MICAL2: variants seen among roughly 807,000 people sequenced by gnomAD.
MICAL2 encodes [F-actin]-monooxygenase MICAL2.
In MICAL2, 77 loss-of-function variants were observed where a neutral mutation model predicts 127.3. The ratio of observed to expected loss-of-function variants is 0.60; its 90% CI spans 0.50 to 0.73. MICAL2 has a LOEUF of 0.73. Among genes scored for constraint, MICAL2 ranks in the 30% least tolerant of loss-of-function variants. MICAL2 has a pLI of 0.00. For missense variants in MICAL2, 1,351 were observed against 1,434.4 expected (o/e 0.94, Z 0.94); for synonymous variants, 570 against 551.1 (o/e 1.03, Z -0.48).
intron 3 of MICAL2, among the ~76,000 whole-genome samples, chr11:12,201,691 T>A (rs12419945): frequency 0.098 from 14,962 of 152,246 alleles, 863 homozygotes; most frequent in Admixed American, 0.16. Context: ...TGGGGAAGTA[T>A]CCTTGTCTTT....
intron 3 of MICAL2, among the ~76,000 whole-genome samples, chr11:12,180,090 C>T (rs986527836): frequency 3.3e-5 from 5 of 152,172 alleles, no homozygotes; most frequent in Non-Finnish European, 7.3e-5. Flanking sequence ...GTTCATTCCC[C>T]TGTGCTAGTA....
At chr11:12,172,024 GT>G (rs1856326242) in intron 3 of MICAL2, among the ~76,000 whole-genome samples, 1 of 152,120 alleles carries the variant, frequency 6.6e-6, no homozygotes, top group Non-Finnish European at 1.5e-5. Context: ...CACACATCAA[GT>G]GCTTACTAGC....
rs150065803 is a variant in MICAL2 at position 12,158,483 on chromosome 11, G to A, written c.-77-3596G>A. Among the ~76,000 whole-genome samples, 8 of 144,186 alleles carry A rather than the reference G, an allele frequency of 5.5e-5. No individual in the cohort carries two copies. In the East Asian group the frequency reaches 1.6e-3, roughly 28 times the overall value. 94.6% of individuals were successfully genotyped at this position (144,186 alleles called of 152,430 possible). On this transcript the variant is annotated intron_variant, in intron 2 of 27. Transcript: ENST00000683283. The stretch of plus-strand genomic sequence containing the variant: ...TCCCACATCACAGATACAACCAACT[G>A]TGGATTGAAAATATTCAGGAAAAAA...
intron 29 of MICAL2, among the ~76,000 whole-genome samples, chr11:12,297,695 A>G (rs140196201): frequency 0.015 from 2,235 of 152,136 alleles, 25 homozygotes; most frequent in Non-Finnish European, 0.021. Flanking sequence ...TTATCCTAGT[A>G]TAAAATGTGA....
chr11:12,278,293 C>G (rs1396538522), intron 1 of MICAL2, among the ~76,000 whole-genome samples: 1 of 152,192 alleles, frequency 6.6e-6, no homozygotes, highest in African/African-American at 2.4e-5. Context: ...CATTGAATAG[C>G]TGGAAAAATA....
intron 11 of MICAL2, 141 bp from the exon 12 acceptor site, chr11:12,223,270 G>C: frequency 1.5e-6 from 1 of 672,912 alleles, no homozygotes; most frequent in Non-Finnish European, 2.6e-6. Flanking sequence ...AGTTGCCTGC[G>C]TTCCCTTGCC....
At chr11:12,174,851 T>A (rs1856663354) in intron 3 of MICAL2, among the ~76,000 whole-genome samples, 1 of 152,222 alleles carries the variant, frequency 6.6e-6, no homozygotes, top group South Asian at 2.1e-4. Flanking sequence ...CCAGGCATGG[T>A]GGCTCACTCC....
intron 31 of MICAL2, among the ~76,000 whole-genome samples, chr11:12,325,330 G>A (rs1254505684): frequency 5.3e-5 from 8 of 151,984 alleles, no homozygotes; most frequent in African/African-American, 1.7e-4. Context: ...GGCTGATCTC[G>A]AACTCCTGAG....
intron 17 of MICAL2, among the ~76,000 whole-genome samples, chr11:12,240,014 T>A (rs1469921218): frequency 2.0e-5 from 3 of 152,224 alleles, no homozygotes; most frequent in African/African-American, 7.2e-5. Flanking sequence ...GTGATACAGT[T>A]TGAAGGAGCT....
At chr11:12,264,928 A>G (rs1305922608), downstream of MICAL2, among the ~76,000 whole-genome samples, 2 of 152,222 alleles carry the variant, frequency 1.3e-5, no homozygotes, top group East Asian at 1.9e-4. Flanking sequence ...GTATTGCTGT[A>G]CTAGATGAGA....
At chr11:12,285,149 C>A (rs573925117) in intron 2 of MICAL2, among the ~76,000 whole-genome samples, 1 of 151,994 alleles carries the variant, frequency 6.6e-6, no homozygotes, top group Non-Finnish European at 1.5e-5. Flanking sequence ...CATAGGGAGT[C>A]AAAGCTGTCC....
intron 15 of MICAL2, among the ~76,000 whole-genome samples, chr11:12,229,172 C>T (rs924279590): frequency 6.6e-6 from 1 of 152,216 alleles, no homozygotes; most frequent in African/African-American, 2.4e-5. Flanking sequence ...GGCCTGAACT[C>T]CCTGCTCCCT....
At chr11:12,133,029 G>A (rs915566111) in intron 1 of MICAL2, among the ~76,000 whole-genome samples, 1 of 152,066 alleles carries the variant, frequency 6.6e-6, no homozygotes, top group Non-Finnish European at 1.5e-5. Flanking sequence ...AGCATATTTT[G>A]GTTCTTAGTT....
intron 3 of MICAL2, among the ~76,000 whole-genome samples, chr11:12,188,502 T>A (rs1414269986): frequency 6.6e-6 from 1 of 152,132 alleles, no homozygotes; most frequent in East Asian, 1.9e-4. Context: ...CTGCTGAACA[T>A]CCTACAATGC....
chr11:12,257,578 T>C (rs145441882), intron 24 of MICAL2, among the ~76,000 whole-genome samples: 1 of 152,104 alleles, frequency 6.6e-6, no homozygotes. Context: ...ACTGCCTGGG[T>C]TCCACTCCAG....
intron 2 of MICAL2, among the ~76,000 whole-genome samples, chr11:12,148,506 GC>G (rs1853205981): frequency 2.0e-5 from 3 of 152,120 alleles, no homozygotes. Context: ...CAGTGAGGAG[GC>G]CCATGGTAGC....
At chr11:12,285,410 C>T (rs142409500) in intron 2 of MICAL2, among the ~76,000 whole-genome samples, 240 of 152,296 alleles carry the variant, frequency 1.6e-3, no homozygotes, top group African/African-American at 5.6e-3. Flanking sequence ...CCTGCAAAGG[C>T]AGTCTTGTCC....
intron 2 of MICAL2, among the ~76,000 whole-genome samples, chr11:12,141,817 A>T (rs553156686): frequency 2.0e-4 from 30 of 152,240 alleles, no homozygotes; most frequent in Non-Finnish European, 3.2e-4. Flanking sequence ...AAATAAAGGG[A>T]ATAGCATTGG....
intron 21 of MICAL2, among the ~76,000 whole-genome samples, chr11:12,248,134 G>A (rs1243105448): frequency 6.6e-6 from 1 of 152,166 alleles, no homozygotes; most frequent in Non-Finnish European, 1.5e-5. Flanking sequence ...CCAAGACAGG[G>A]AGCCAGGGCT....
Sources: allele counts gnomAD v4.1 joint callset (sites outside exome capture counted in the v4.1 genomes callset), GRCh38; gene constraint gnomAD v4.1.1; transcripts MANE v1.5; gene names NCBI Gene and HGNC (gene_info 2026-07-23, HGNC 2026-07-21).